Variants in TNRC6B observed in about 807,000 individuals in gnomAD.
The protein encoded by TNRC6B is trinucleotide repeat-containing gene 6B protein.
In TNRC6B, 52 loss-of-function variants were observed where a neutral mutation model predicts 203.6. The observed-to-expected ratio is 0.26, with a 90% confidence interval of 0.20 to 0.32. The LOEUF is 0.32. Ranked by LOEUF, TNRC6B falls within the 10% of genes least tolerant of loss-of-function variation. The pLI is 1.00. For synonymous variants in TNRC6B, 838 were observed against 845.7 expected (o/e 0.99, Z 0.16); for missense variants, 1,923 against 2,286.2 (o/e 0.84, Z 3.24).
intron 12 of TNRC6B, among the ~76,000 whole-genome samples, chr22:40,297,620 G>C (rs922789440): frequency 6.6e-6 from 1 of 152,100 alleles, no homozygotes; most frequent in Non-Finnish European, 1.5e-5. Flanking sequence ...TCAGGAGTTC[G>C]AGATCAGCCT....
At chr22:40,136,732 A>G (rs1386873078) in intron 3 of TNRC6B, among the ~76,000 whole-genome samples, 1 of 152,120 alleles carries the variant, frequency 6.6e-6, no homozygotes, top group Admixed American at 6.6e-5. Context: ...ATTTATAATA[A>G]AACAATAAAA....
At chr22:40,114,625 G>A (rs1306660981) in intron 1 of TNRC6B, among the ~76,000 whole-genome samples, 1 of 152,146 alleles carries the variant, frequency 6.6e-6, no homozygotes, top group Non-Finnish European at 1.5e-5. Flanking sequence ...ACCACGCCCG[G>A]CCTAGAGGAA....
rs1011361612 is a variant in TNRC6B at position 40,150,565 on chromosome 22, C to T, written c.46-5550C>T. On this transcript the variant is annotated intron_variant, in intron 3 of 23. Coordinates refer to the TNRC6B transcript ENST00000301923. The stretch of plus-strand genomic sequence containing the variant: ...GCGATGAGAAGCAAGGCCCCAGATA[C>T]GCTTTCCTCATATCCACAGACCACT... Among the ~76,000 whole-genome samples the T allele has an allele frequency of 3.9e-5, 6 of 152,180 alleles. No homozygotes were observed. The East Asian group carries it at 5.8e-4, about 15-fold the overall frequency.
chr22:40,127,499 C>T (rs1245957256), intron 3 of TNRC6B, among the ~76,000 whole-genome samples: 1 of 152,124 alleles, frequency 6.6e-6, no homozygotes, highest in East Asian at 1.9e-4. Context: ...ATACCCAGGA[C>T]ACCCAAGATA....
At chr22:40,298,124 C>T (rs2070970474) in intron 12 of TNRC6B, among the ~76,000 whole-genome samples, 1 of 149,198 alleles carries the variant, frequency 6.7e-6, no homozygotes, top group Non-Finnish European at 1.5e-5. Context: ...GACTCCATCT[C>T]AAAAAATAAA....
At chr22:40,258,447 G>C (rs1177163014) in intron 3 of TNRC6B, among the ~76,000 whole-genome samples, 3 of 152,062 alleles carry the variant, frequency 2.0e-5, no homozygotes, top group Admixed American at 2.0e-4. Flanking sequence ...GGCAATTCTG[G>C]TTGGCCTTTA....
At chr22:40,234,833 C>T (rs555531589) in intron 1 of TNRC6B, among the ~76,000 whole-genome samples, 38 of 152,256 alleles carry the variant, frequency 2.5e-4, no homozygotes, top group African/African-American at 9.1e-4. Context: ...GTGCAAATTA[C>T]ATTAGCATCC....
At chr22:40,253,676 C>T (rs1402802675) in intron 3 of TNRC6B, 1 of 456,390 alleles carries the variant, frequency 2.2e-6, no homozygotes, top group East Asian at 6.9e-5. Flanking sequence ...AATTGTTAGA[C>T]AGCAAGTAAA....
At chr22:40,156,289 T>C in intron 4 of TNRC6B, 1 of 1,106,900 alleles carries the variant, frequency 9.0e-7, no homozygotes, top group Non-Finnish European at 1.3e-6. Context: ...TTGGAGACAT[T>C]GGGGAACTCA....
Position 40,261,844 on chromosome 22 carries a change from C to T in TNRC6B, c.128C>T (p.Thr43Met), listed in dbSNP as rs2070389155. ...TEQKTKVPEV[T>M]KPSLSQPTAA... ...CCCTCTCTTTTAGTGCCCGAAGTGA[C>T]GAAACCAAGTTTAAGCCAACCAACG... The change falls in exon 4 of 23, where the codon ACG (threonine) becomes ATG (methionine). Residue 43 changes from threonine (T) to methionine (M), a missense_variant. By Grantham distance (81) the Thr-to-Met change is moderately conservative. Coordinates refer to ENST00000454349, the MANE Select transcript of TNRC6B (RefSeq NM_001162501.2). 1 of 1,570,140 alleles carries T rather than the reference C, an allele frequency of 6.4e-7. No homozygotes were observed. The highest frequency in any genetic ancestry group is 8.7e-7 in the Non-Finnish European group (1 of 1,145,578).
intron 20 of TNRC6B, 40 bp downstream of exon 20, chr22:40,315,547 A>G (rs762875703): frequency 6.3e-7 from 1 of 1,596,466 alleles, no homozygotes; most frequent in South Asian, 1.1e-5. Flanking sequence ...TTGTTCATCC[A>G]CAAGGGGCTT....
intron 1 of TNRC6B, among the ~76,000 whole-genome samples, chr22:40,066,928 A>G (rs866769972): frequency 6.7e-6 from 1 of 148,898 alleles, no homozygotes; most frequent in Admixed American, 6.7e-5. Context: ...TTTTTGAGAC[A>G]GAGTTTCACT....
At chr22:40,056,360 A>G (rs2067795759) in intron 1 of TNRC6B, among the ~76,000 whole-genome samples, 1 of 152,254 alleles carries the variant, frequency 6.6e-6, no homozygotes, top group South Asian at 2.1e-4. Context: ...TATTTGATCT[A>G]CATAACAAAG....
chr22:40,089,158 C>T (rs2068126683), intron 1 of TNRC6B, among the ~76,000 whole-genome samples: 2 of 152,176 alleles, frequency 1.3e-5, no homozygotes, highest in Admixed American at 1.3e-4. Context: ...AGATTCCCAA[C>T]ATGGGTGAAA....
At chr22:40,088,983 G>A (rs2068124940) in intron 1 of TNRC6B, among the ~76,000 whole-genome samples, 1 of 152,032 alleles carries the variant, frequency 6.6e-6, no homozygotes, top group African/African-American at 2.4e-5. Context: ...AAAAAGAACT[G>A]CAACAAACAG....
At chr22:40,087,325 G>A (rs2068109349) in intron 1 of TNRC6B, among the ~76,000 whole-genome samples, 1 of 152,154 alleles carries the variant, frequency 6.6e-6, no homozygotes, top group South Asian at 2.1e-4. Context: ...TTCTTTCCCA[G>A]TGTTCAGGAT....
At chr22:40,167,096 G>T (rs1167265253) in intron 4 of TNRC6B, among the ~76,000 whole-genome samples, 1 of 152,150 alleles carries the variant, frequency 6.6e-6, no homozygotes, top group East Asian at 1.9e-4. Context: ...GCATATTTCA[G>T]TCATGATAGA....
chr22:40,156,949 A>G (rs888429244), intron 4 of TNRC6B, among the ~76,000 whole-genome samples: 1 of 151,262 alleles, frequency 6.6e-6, no homozygotes, highest in African/African-American at 2.4e-5. Context: ...TAATTTTTCT[A>G]TTTTTAGTAG....
chr22:40,293,057 A>G (rs560430679), intron 12 of TNRC6B, among the ~76,000 whole-genome samples: 27 of 152,224 alleles, frequency 1.8e-4, no homozygotes, highest in Non-Finnish European at 3.1e-4. Flanking sequence ...TTGGGCAGCT[A>G]TGGTTCATAT....
Sources: gnomAD v4.1 joint callset for allele counts (sites outside exome capture counted in the v4.1 genomes callset) on GRCh38, gnomAD v4.1.1 for gene constraint, MANE v1.5 for transcripts, NCBI Gene and HGNC (gene_info 2026-07-23, HGNC 2026-07-21) for gene names.